QTMAN: variants seen among roughly 807,000 people sequenced by gnomAD.
The protein encoded by QTMAN is queuosine-tRNA mannosyltransferase, also known as tRNA-queuosine alpha-mannosyltransferase.
the QTMAN span, among the ~76,000 whole-genome samples, chr2:144,293,449 T>C: frequency 1.3e-5 from 2 of 152,234 alleles, no homozygotes; most frequent in Non-Finnish European, 2.9e-5. Context: ...AAAGATATTA[T>C]ATGGGTCTCA....
At chr2:144,246,259 T>C in the QTMAN span, among the ~76,000 whole-genome samples, 1 of 152,290 alleles carries the variant, frequency 6.6e-6, no homozygotes, top group South Asian at 2.1e-4. Flanking sequence ...TGATGATAGC[T>C]AGGTGAAATA....
At chr2:144,092,870 G>GGTGTGT in the QTMAN span, among the ~76,000 whole-genome samples, 15,905 of 140,532 alleles carry the variant, frequency 0.11, 928 homozygotes, top group East Asian at 0.2. Context: ...AAACTTTTGG[G>GGTGTGT]GTGTGTGTGT....
chr2:144,178,773 G>C, the QTMAN span: 2 of 332,892 alleles, frequency 6.0e-6, no homozygotes, highest in Non-Finnish European at 1.2e-5. Flanking sequence ...GAGAGATTTA[G>C]AGAAAGTAAA....
At chr2:144,026,263 G>A in the QTMAN span, among the ~76,000 whole-genome samples, 6 of 151,872 alleles carry the variant, frequency 4.0e-5, no homozygotes, top group East Asian at 3.9e-4. Flanking sequence ...GTGAAACCCC[G>A]TCTCTACTAA....
the QTMAN span, among the ~76,000 whole-genome samples, chr2:144,093,414 GC>G: frequency 6.6e-6 from 1 of 152,200 alleles, no homozygotes; most frequent in Non-Finnish European, 1.5e-5. Flanking sequence ...CATTTGCAAA[GC>G]AATCAATCAT....
the QTMAN span, among the ~76,000 whole-genome samples, chr2:143,973,474 A>C: frequency 6.6e-6 from 1 of 152,086 alleles, no homozygotes; most frequent in African/African-American, 2.4e-5. Flanking sequence ...TAGTTGAAAA[A>C]ATTTGGGGTT....
the QTMAN span, chr2:143,945,164 C>T: frequency 6.6e-6 from 1 of 152,108 alleles, no homozygotes; most frequent in Non-Finnish European, 1.5e-5. Context: ...ATAACCTTGC[C>T]CAGGAGAAGT....
At chr2:144,326,920 G>A in the QTMAN span, among the ~76,000 whole-genome samples, 1 of 152,154 alleles carries the variant, frequency 6.6e-6, no homozygotes, top group Non-Finnish European at 1.5e-5. Flanking sequence ...GAGAGAGCAA[G>A]ATGAGAGAGA....
the QTMAN span, chr2:143,952,178 C>A: frequency 1.5e-6 from 1 of 688,660 alleles, no homozygotes; most frequent in African/African-American, 1.8e-5. Context: ...TGTGCCGCCT[C>A]GTGTTTTACA....
At chr2:144,139,012 T>C in the QTMAN span, among the ~76,000 whole-genome samples, 1 of 151,802 alleles carries the variant, frequency 6.6e-6, no homozygotes, top group Admixed American at 6.6e-5. Flanking sequence ...AAACAAAAGG[T>C]GTAAATGATT....
the QTMAN span, among the ~76,000 whole-genome samples, chr2:144,165,467 C>T: frequency 6.6e-6 from 1 of 152,134 alleles, no homozygotes; most frequent in Non-Finnish European, 1.5e-5. Context: ...CAAGTTTTCT[C>T]AGTACATACT....
the QTMAN span, chr2:144,177,110 C>G: frequency 4.3e-6 from 3 of 699,862 alleles, no homozygotes; most frequent in Non-Finnish European, 7.8e-6. Flanking sequence ...CCTCCATGAT[C>G]CAATCACCTC....
the QTMAN span, among the ~76,000 whole-genome samples, chr2:144,194,545 C>T: frequency 1.3e-5 from 2 of 152,164 alleles, no homozygotes; most frequent in Non-Finnish European, 2.9e-5. Context: ...TTAGTCAGTA[C>T]ATATGTGCCT....
the QTMAN span, among the ~76,000 whole-genome samples, chr2:144,239,182 A>C: frequency 6.8e-6 from 1 of 147,890 alleles, no homozygotes; most frequent in African/African-American, 2.6e-5. Context: ...GAAAAAAAAG[A>C]AAAAAAAAAG....
At chr2:144,039,068 A>C in the QTMAN span, among the ~76,000 whole-genome samples, 36 of 152,154 alleles carry the variant, frequency 2.4e-4, no homozygotes, top group Non-Finnish European at 4.0e-4. Flanking sequence ...AAAGGTCTAG[A>C]AAGCACCATT....
the QTMAN span, among the ~76,000 whole-genome samples, chr2:143,965,542 T>C: frequency 6.6e-6 from 1 of 152,164 alleles, no homozygotes; most frequent in Non-Finnish European, 1.5e-5. Flanking sequence ...CCAAGCCTGG[T>C]TTGCTGAGTT....
the QTMAN span, among the ~76,000 whole-genome samples, chr2:144,145,132 G>A: frequency 2.0e-5 from 3 of 149,594 alleles, no homozygotes; most frequent in African/African-American, 7.4e-5. Flanking sequence ...AAAAAAAGGC[G>A]GGGGAGACAA....
At chr2:144,214,827 C>G in the QTMAN span, among the ~76,000 whole-genome samples, 2 of 152,182 alleles carry the variant, frequency 1.3e-5, no homozygotes, top group Non-Finnish European at 2.9e-5. Context: ...ATATGAATTG[C>G]AATGATCTTT....
chr2:144,134,360 A>G, the QTMAN span, among the ~76,000 whole-genome samples: 7 of 152,172 alleles, frequency 4.6e-5, no homozygotes, highest in Admixed American at 6.6e-5. Flanking sequence ...TTCTCATTTC[A>G]GCTACATAGA....
Sources: gnomAD v4.1 joint callset for allele counts (sites outside exome capture counted in the v4.1 genomes callset) on GRCh38, gnomAD v4.1.1 for gene constraint, MANE v1.5 for transcripts, NCBI Gene and HGNC (gene_info 2026-07-23, HGNC 2026-07-21) for gene names.